Variants in TMEM163 observed in about 807,000 individuals in gnomAD.
TMEM163 encodes transmembrane protein 163.
TMEM163 carries 17 observed loss-of-function variants against 29.3 expected under a neutral mutation model. The observed-to-expected ratio is 0.58, with a 90% CI of 0.40 to 0.87. The LOEUF is 0.87. TMEM163 is among the 40% of genes least tolerant of loss of function. The probability of loss-of-function intolerance (pLI) is 0.00; values close to 1 mark genes in which losing one functional copy is unlikely to be tolerated. For synonymous variants in TMEM163, 157 were observed against 160.6 expected (o/e 0.98, Z 0.17); for missense variants, 303 against 381.5 (o/e 0.79, Z 1.71).
intron 2 of TMEM163, among the ~76,000 whole-genome samples, chr2:134,615,651 CTTTTTTTT>C (rs35159964): frequency 3.8e-5 from 3 of 79,150 alleles, no homozygotes; most frequent in Non-Finnish European, 7.1e-5. Context: ...AAGAGCAGAG[CTTTTTTTT>C]TTTTTTTTTT....
At chr2:134,674,475 C>G (rs1424666981) in intron 2 of TMEM163, among the ~76,000 whole-genome samples, 2 of 148,338 alleles carry the variant, frequency 1.3e-5, no homozygotes, top group Non-Finnish European at 3.0e-5. Context: ...TCCCAAGTAG[C>G]TGGGACTACA....
chr2:134,518,443 C>T (rs1196636328), intron 4 of TMEM163, among the ~76,000 whole-genome samples: 1 of 152,142 alleles, frequency 6.6e-6, no homozygotes, highest in Non-Finnish European at 1.5e-5. Context: ...GTTTCCACAC[C>T]CATTATCATC....
chr2:134,466,039 TAA>T, intron 6 of TMEM163, 73 bp downstream of exon 6: 1 of 1,102,250 alleles, frequency 9.1e-7, no homozygotes, highest in African/African-American at 1.6e-5. Context: ...GGGAAACAAC[TAA>T]AAGAGACCCA....
chr2:134,632,156 T>C lies in TMEM163; in HGVS notation c.323-80065A>G, dbSNP rs79295247. ...ATTCCAGAAAGAAGTGATAATACCA[T>C]GAAGGTGGGAAGCAAGGAACCACAG... is the stretch of plus-strand genomic sequence containing the variant. On this transcript the variant is annotated intron_variant, in intron 2 of 7. Transcript: ENST00000281924. Among the ~76,000 whole-genome samples the C allele has an allele frequency of 9.8e-4, 149 of 152,220 alleles. 1 individual carries two copies. The highest frequency in any genetic ancestry group is 3.4e-3 in the African/African-American group (142 of 41,530).
Position 134,458,014 on chromosome 2 carries a change from G to T in TMEM163, c.809+18C>A. ...TCCTAGCTGCCAGGAAAGCAAACAGGAAAGCACAAGAACCTACTTGACCCC... is the reference window on the plus strand; with the variant it reads ...TCCTAGCTGCCAGGAAAGCAAACAGTAAAGCACAAGAACCTACTTGACCCC... On this transcript the variant is annotated intron_variant, in intron 7 of 7. Coordinates refer to ENST00000281924, the MANE Select transcript of TMEM163 (RefSeq NM_030923.5). 6.2e-7 allele frequency: 1 copy of T among 1,614,008 alleles called. No individual in the cohort carries two copies. The highest frequency in any genetic ancestry group is 8.5e-7 in the Non-Finnish European group (1 of 1,179,930).
chr2:134,571,426 T>G (rs1681424085), intron 2 of TMEM163, among the ~76,000 whole-genome samples: 1 of 152,026 alleles, frequency 6.6e-6, no homozygotes, highest in South Asian at 2.1e-4. Context: ...CACTACCAAT[T>G]TAAGGGGAAC....
At chr2:134,466,054 C>T in intron 6 of TMEM163, 60 bp downstream of exon 6, 2 of 1,260,458 alleles carry the variant, frequency 1.6e-6, no homozygotes, top group Non-Finnish European at 2.3e-6. Context: ...GAGACCCAAA[C>T]AGCATCTTCC....
chr2:134,556,650 T>C (rs1346967809), intron 2 of TMEM163, among the ~76,000 whole-genome samples: 1 of 151,964 alleles, frequency 6.6e-6, no homozygotes, highest in Non-Finnish European at 1.5e-5. Context: ...TGAGACCTCA[T>C]CTCTACAAAA....
chr2:134,515,009 T>A (rs1046716940), intron 4 of TMEM163, among the ~76,000 whole-genome samples: 1 of 152,210 alleles, frequency 6.6e-6, no homozygotes, highest in Non-Finnish European at 1.5e-5. Flanking sequence ...TCACTGAGAC[T>A]TTGGGTGCTG....
chr2:134,688,224 C>T (rs1243644328), intron 2 of TMEM163, among the ~76,000 whole-genome samples: 2 of 152,120 alleles, frequency 1.3e-5, no homozygotes, highest in Non-Finnish European at 2.9e-5. Context: ...TTATGTGCCT[C>T]GGCCCGAGCT....
At chr2:134,539,046 C>A (rs1056653206) in intron 4 of TMEM163, among the ~76,000 whole-genome samples, 1 of 152,096 alleles carries the variant, frequency 6.6e-6, no homozygotes, top group African/African-American at 2.4e-5. Context: ...GCCTGGAAAG[C>A]CTGCTAAAAA....
At chr2:134,648,900 C>T (rs1434741181) in intron 2 of TMEM163, among the ~76,000 whole-genome samples, 1 of 152,150 alleles carries the variant, frequency 6.6e-6, no homozygotes, top group Admixed American at 6.5e-5. Context: ...CAGGGTATTA[C>T]CACAGCTGAT....
At chr2:134,548,569 A>C (rs1680840629) in intron 4 of TMEM163, among the ~76,000 whole-genome samples, 1 of 152,216 alleles carries the variant, frequency 6.6e-6, no homozygotes, top group Non-Finnish European at 1.5e-5. Context: ...GGTTGGGTGC[A>C]TTAGTTGCTC....
At chr2:134,677,614 CTCTA>C (rs1684144527) in intron 2 of TMEM163, among the ~76,000 whole-genome samples, 1 of 152,138 alleles carries the variant, frequency 6.6e-6, no homozygotes, top group Non-Finnish European at 1.5e-5. Flanking sequence ...TGTATAAAAA[CTCTA>C]TCTATAATAT....
At chr2:134,621,910 AT>A (rs1682745929) in intron 2 of TMEM163, among the ~76,000 whole-genome samples, 1 of 152,060 alleles carries the variant, frequency 6.6e-6, no homozygotes, top group African/African-American at 2.4e-5. Context: ...AAAATAAAAA[AT>A]AAAAAAAAAC....
intron 2 of TMEM163, among the ~76,000 whole-genome samples, chr2:134,667,472 C>G (rs907947143): frequency 6.6e-6 from 1 of 152,208 alleles, no homozygotes; most frequent in East Asian, 1.9e-4. Context: ...AACCTCTTCT[C>G]TCCATGTTAA....
intron 2 of TMEM163, among the ~76,000 whole-genome samples, chr2:134,603,095 A>G (rs897474804): frequency 7.2e-5 from 11 of 152,048 alleles, no homozygotes. Context: ...AGCCACCTGA[A>G]TTACAAATCC....
At chr2:134,637,403 C>T (rs1200799945) in intron 2 of TMEM163, among the ~76,000 whole-genome samples, 6 of 152,178 alleles carry the variant, frequency 3.9e-5, no homozygotes, top group Admixed American at 6.5e-5. Flanking sequence ...GGCTGGTTCC[C>T]GCCTGGCAGC....
intron 2 of TMEM163, among the ~76,000 whole-genome samples, chr2:134,666,894 T>A (rs1683883931): frequency 6.6e-6 from 1 of 152,168 alleles, no homozygotes; most frequent in Non-Finnish European, 1.5e-5. Context: ...ATAATCTGAG[T>A]GCTCCCCTTC....
Sources: allele counts gnomAD v4.1 joint callset (sites outside exome capture counted in the v4.1 genomes callset), GRCh38; gene constraint gnomAD v4.1.1; transcripts MANE v1.5; gene names NCBI Gene and HGNC (gene_info 2026-07-23, HGNC 2026-07-21).